Variants in FGD6 observed in about 807,000 individuals in gnomAD.
The protein encoded by FGD6 is FYVE, RhoGEF and PH domain-containing protein 6.
In FGD6, 90 loss-of-function variants were observed where a neutral mutation model predicts 149.4. The ratio of observed to expected loss-of-function variants is 0.60; its 90% confidence interval spans 0.51 to 0.72. The LOEUF is 0.72. Among genes scored for constraint, FGD6 ranks in the 30% least tolerant of loss-of-function variants. The probability of loss-of-function intolerance (pLI) is 0.00; values close to 1 mark genes in which losing one functional copy is unlikely to be tolerated. For missense variants in FGD6, 1,437 were observed against 1,684.8 expected (o/e 0.85, Z 2.57); for synonymous variants, 527 against 584.0 (o/e 0.90, Z 1.41).
At chr12:95,085,619 A>C in intron 19 of FGD6, 161 bp downstream of exon 19, 2 of 724,582 alleles carry the variant, frequency 2.8e-6, no homozygotes, top group Non-Finnish European at 4.3e-6. Context: ...GTACAAAGCA[A>C]GAACACTGTT....
intron 2 of FGD6, among the ~76,000 whole-genome samples, chr12:95,193,694 A>C (rs2136295244): frequency 6.6e-6 from 1 of 152,000 alleles, no homozygotes; most frequent in East Asian, 1.9e-4. Context: ...ACACCCAGCT[A>C]ATTTTCATAT....
chr12:95,134,588 A>G (rs113630883), intron 8 of FGD6, 151 bp downstream of exon 8: 39 of 710,914 alleles, frequency 5.5e-5, no homozygotes, highest in African/African-American at 4.6e-4. Context: ...ACGTATATGT[A>G]AAGTATATAA....
intron 3 of FGD6, among the ~76,000 whole-genome samples, chr12:95,166,544 A>T (rs1281015723): frequency 1.4e-5 from 2 of 147,398 alleles, no homozygotes; most frequent in Non-Finnish European, 3.0e-5. Flanking sequence ...CCATGTCTTT[A>T]AAAAAAAAAA....
Position 95,089,572 on chromosome 12 carries a change from T to A in FGD6, c.3975A>T (p.Lys1325Asn). Residue 1325 changes from lysine to asparagine, a missense_variant, in exon 18 of 21, where the codon AAA (lysine) becomes AAT (asparagine). Lys to Asn is a moderately conservative substitution (Grantham distance 94, BLOSUM62 0). Around this residue, in one of 2 missense-constraint regions of FGD6, gnomAD observed 382 missense variants for 538.7 expected, o/e 0.71. Transcript: ENST00000343958. ...RKQKKIPAAL[K>N]EVSANTEDSS... ...CAAATTTAATGGAAACACTTACTTC[T>A]TTGAGAGCAGCTGGGATTTTTTTCT... 1 of 1,613,488 alleles carries A rather than the reference T, an allele frequency of 6.2e-7. No individual in the cohort carries two copies. The highest frequency in any genetic ancestry group is 8.5e-7 in the Non-Finnish European group (1 of 1,179,620).
At chr12:95,192,904 T>C (rs1592871476) in intron 2 of FGD6, among the ~76,000 whole-genome samples, 1 of 151,622 alleles carries the variant, frequency 6.6e-6, no homozygotes, top group East Asian at 1.9e-4. Context: ...AGATGGGCAA[T>C]AAGATGATCA....
At position 95,094,685 on chromosome 12, in the gene FGD6, T is replaced by C; in HGVS notation, c.3507A>G (p.Thr1169=). 6.2e-7 allele frequency: 1 copy of C among 1,613,310 alleles called. No homozygotes were observed. The change falls in exon 15 of 21, where the codon ACA becomes ACG. Residue 1169 remains threonine (T), a synonymous_variant. Coordinates refer to ENST00000343958, the MANE Select transcript of FGD6 (RefSeq NM_018351.4). The stretch of plus-strand genomic sequence containing the variant: ...TCGCTTCTAGCCATTCATCCCTTTC[T>C]GTGGCAGAACTGTTGGGGGCAAAAG... ...RSFILSASSA[T]ERDEWLEAIS... is the part of the protein sequence containing the mutation.
At chr12:95,165,501 T>A (rs1334546950) in intron 3 of FGD6, among the ~76,000 whole-genome samples, 1 of 151,388 alleles carries the variant, frequency 6.6e-6, no homozygotes, top group South Asian at 2.1e-4. Context: ...GCCTGGCTAA[T>A]TTTTTTTATT....
chr12:95,088,544 T>C lies in FGD6; in HGVS notation c.3978+1025A>G, dbSNP rs1475947317. ...TCCCAGTTCCTCAAAAAGTTAAACA[T>C]AGAATTACCATATGAGCAAGCAATT... On this transcript the variant is annotated intron_variant, in intron 18 of 20. Coordinates refer to ENST00000343958, the MANE Select transcript of FGD6 (RefSeq NM_018351.4). Among the ~76,000 whole-genome samples, 13 of 152,170 alleles carry C rather than the reference T, an allele frequency of 8.5e-5. 1 individual carries two copies.
chr12:95,188,683 A>T (rs754542162), intron 2 of FGD6, among the ~76,000 whole-genome samples: 34 of 152,176 alleles, frequency 2.2e-4, no homozygotes, highest in Non-Finnish European at 4.7e-4. Flanking sequence ...AACTTTTTTT[A>T]AGACAACAAT....
chr12:95,096,647 T>C (rs1332522738), intron 14 of FGD6, among the ~76,000 whole-genome samples: 1 of 152,210 alleles, frequency 6.6e-6, no homozygotes, highest in Non-Finnish European at 1.5e-5. Flanking sequence ...CATTGGATCT[T>C]ACACCCCTTG....
At chr12:95,090,929 C>T (rs1415471333) in intron 17 of FGD6, among the ~76,000 whole-genome samples, 2 of 152,030 alleles carry the variant, frequency 1.3e-5, no homozygotes, top group Non-Finnish European at 2.9e-5. Context: ...GAGACCGCCC[C>T]GCGTCTCTAC....
chr12:95,099,719 TGATG>T lies in FGD6; in HGVS notation c.3498-5029_3498-5026del, dbSNP rs138613118. Among the ~76,000 whole-genome samples the T allele has an allele frequency of 3.5e-3, 531 of 152,276 alleles. 11 individuals are homozygous for T. The East Asian group carries it at 0.041, about 12-fold the overall frequency. On this transcript the variant is annotated intron_variant, in intron 14 of 20. Transcript: ENST00000343958. The stretch of plus-strand genomic sequence containing the variant: ...CTGCCCAACTTCTACTGTAGTCTCC[TGATG>T]GTCTGTCTTCTACAAAGAAGCCGGT...
At chr12:95,199,066 G>T (rs1021213060) in intron 2 of FGD6, among the ~76,000 whole-genome samples, 10 of 152,184 alleles carry the variant, frequency 6.6e-5, no homozygotes, top group Non-Finnish European at 1.3e-4. Flanking sequence ...GTGCAATGAT[G>T]CAAGTAAACC....
At position 95,108,571 on chromosome 12, in the gene FGD6, G is replaced by A. The variant is rs913484329; in HGVS notation, c.3134-10C>T. On this transcript the variant is annotated splice_polypyrimidine_tract_variant and intron_variant, in intron 9 of 20. Transcript: ENST00000343958. ...ACAACAGCAAGGGCATCTGAAATAG[G>A]CAGGAACAAAACGTGCATTTAGTAA... The A allele has an allele frequency of 9.9e-6, 16 of 1,613,762 alleles. No individual in the cohort carries two copies. In the African/African-American group the frequency reaches 1.6e-4, roughly 16 times the overall value.
At chr12:95,167,083 C>G (rs989292859) in intron 3 of FGD6, among the ~76,000 whole-genome samples, 3 of 152,096 alleles carry the variant, frequency 2.0e-5, no homozygotes, top group African/African-American at 7.2e-5. Flanking sequence ...TCCCGAACTC[C>G]TGACCTAGTG....
rs56410696 is a variant in FGD6, at chr12:95,148,837, T to C, written c.2685+3974A>G. Among the ~76,000 whole-genome samples the C allele has an allele frequency of 2.8e-3, 66 of 23,904 alleles. 7 individuals carry two copies. Among genetic ancestry groups the C allele is most frequent in the African/African-American group, 6.0e-3 (47 of 7,838 alleles). 15.7% of individuals were successfully genotyped at this position (23,904 alleles called of 152,430 possible). A position where few individuals can be genotyped will look rare whatever the true frequency, so the allele number is the denominator to read the frequency against. On this transcript the variant is annotated intron_variant, in intron 5 of 20. Transcript: ENST00000343958. Reference sequence around the variant, plus strand: ...CATATATTATATATATTATATAATATATAGCATATATTATATATATTATAT... The same window carrying C: ...CATATATTATATATATTATATAATACATAGCATATATTATATATATTATAT...
intron 19 of FGD6, 72 bp from the exon 20 acceptor site, chr12:95,084,718 C>A (rs1352288369): frequency 8.3e-7 from 1 of 1,202,756 alleles, no homozygotes; most frequent in Non-Finnish European, 1.1e-6. Flanking sequence ...AACTCTTGAT[C>A]TACATAGCTC....
intron 5 of FGD6, among the ~76,000 whole-genome samples, chr12:95,151,126 C>T (rs1386691763): frequency 6.6e-6 from 1 of 151,872 alleles, no homozygotes; most frequent in Non-Finnish European, 1.5e-5. Context: ...GAAGAGAGAA[C>T]TTATCAATAT....
intron 8 of FGD6, among the ~76,000 whole-genome samples, chr12:95,132,236 A>G (rs9804833): frequency 0.2 from 30,609 of 152,002 alleles, 3,569 homozygotes; most frequent in African/African-American, 0.32. Flanking sequence ...CTGTAGCCTC[A>G]AATTCCCGGG....
Sources: gnomAD v4.1 joint callset for allele counts (sites outside exome capture counted in the v4.1 genomes callset) on GRCh38, gnomAD v4.1.1 for gene constraint, gnomAD v4.1.1 regional missense constraint, MANE v1.5 for transcripts, NCBI Gene and HGNC (gene_info 2026-07-23, HGNC 2026-07-21) for gene names.